Variants in DIDO1 observed in about 807,000 individuals in gnomAD.
The protein encoded by DIDO1 is death inducer-obliterator 1.
Under a neutral mutation model 99.4 loss-of-function variants are expected in DIDO1, and 16 were observed. The observed-to-expected ratio is 0.16, with a 90% CI of 0.11 to 0.24. The LOEUF (loss-of-function observed/expected upper bound fraction) is 0.24. Among genes scored for constraint, DIDO1 ranks in the 10% least tolerant of loss-of-function variants. The probability of loss-of-function intolerance (pLI) is 1.00; values close to 1 mark genes in which losing one functional copy is unlikely to be tolerated. For missense variants in DIDO1, 2,996 were observed against 3,014.0 expected (o/e 0.99, Z 0.14); for synonymous variants, 1,366 against 1,239.1 (o/e 1.10, Z -2.15).
chr20:62,935,468 T>A (rs1280058060), intron 1 of DIDO1, among the ~76,000 whole-genome samples: 1 of 152,080 alleles, frequency 6.6e-6, no homozygotes, highest in Non-Finnish European at 1.5e-5. Context: ...AGAGCTAAGT[T>A]AGGATTCTGT....
At chr20:62,932,614 G>C (rs1437460182) in intron 1 of DIDO1, among the ~76,000 whole-genome samples, 1 of 152,136 alleles carries the variant, frequency 6.6e-6, no homozygotes, top group East Asian at 1.9e-4. Flanking sequence ...GTCTGCAATG[G>C]CAGGACTGTA....
At chr20:62,889,076 C>A (rs555055079) in intron 15 of DIDO1, 1 of 985,388 alleles carries the variant, frequency 1.0e-6, no homozygotes. Context: ...CCTTGGTGGG[C>A]GAGTGTGACG....
In DIDO1 at chr20:62,880,749, A is replaced by G; in HGVS notation, c.5207T>C (p.Leu1736Pro). The G allele has an allele frequency of 6.2e-7, 1 of 1,612,468 alleles. No homozygotes were observed. The highest frequency in any genetic ancestry group is 8.5e-7 in the Non-Finnish European group (1 of 1,179,830). ...CCCCACTTTCTGTCCTGGTGGGGGG[A>G]GCGGGGCGGTGCCCTCGCCGGGTCT... ...QARPGEGTAPLPPPGQKVGGS... is the reference protein window; with the variant it reads ...QARPGEGTAPPPPPGQKVGGS... Residue 1736 changes from leucine (L) to proline (P), a missense_variant, in exon 16 of 16, where the codon CTC becomes CCC. This residue lies in a region of DIDO1 where 1,562 missense variants were observed against 1,412.6 expected (regional missense o/e 1.11). Transcript: ENST00000395343.
chr20:62,935,039 A>C (rs1257514879), intron 1 of DIDO1, among the ~76,000 whole-genome samples: 1 of 152,286 alleles, frequency 6.6e-6, no homozygotes, highest in East Asian at 1.9e-4. Context: ...TGAGCTTTAG[A>C]TGTGTCCCAC....
intron 15 of DIDO1, chr20:62,889,963 G>C: frequency 1.0e-6 from 1 of 985,490 alleles, no homozygotes; most frequent in South Asian, 4.7e-5. Context: ...AACGTGGGCT[G>C]TGCCTGGGGC....
At position 62,881,279 on chromosome 20, in the gene DIDO1, G is replaced by C; in HGVS notation, c.4677C>G (p.Asp1559Glu). 6.2e-7 allele frequency: 1 copy of C among 1,604,938 alleles called. No homozygotes were observed. Among genetic ancestry groups the C allele is most frequent in the Non-Finnish European group, 8.5e-7 (1 of 1,179,486 alleles). The change falls in exon 16 of 16, where the codon GAC becomes GAG. Residue 1559 changes from aspartate to glutamate, a missense_variant. Coordinates refer to ENST00000395343, the MANE Select transcript of DIDO1 (RefSeq NM_001193369.2). This position sits in a 1 kb window ranked among gnomAD's most constrained non-coding sequence, Gnocchi z 8.3. ...TGGCCAGGCGCCTCGCCTGCCGGGG[G>C]TCCCTGTGGTTTGACGCCTGGCTGG... ...PPASQASNHR[D>E]PRQARRLATE...
intron 1 of DIDO1, among the ~76,000 whole-genome samples, chr20:62,917,638 G>A (rs1261995916): frequency 6.6e-6 from 1 of 152,198 alleles, no homozygotes; most frequent in African/African-American, 2.4e-5. Flanking sequence ...TGGGGATGCA[G>A]CAGAAGCTTT....
At position 62,879,882 on chromosome 20, in the gene DIDO1, G is replaced by C; in HGVS notation, c.6074C>G (p.Pro2025Arg). 1 of 1,588,932 alleles carries C rather than the reference G, an allele frequency of 6.3e-7. No individual in the cohort carries two copies. The highest frequency in any genetic ancestry group is 8.5e-7 in the Non-Finnish European group (1 of 1,169,840). The change falls in exon 16 of 16, where the codon CCC (proline) becomes CGC (arginine). Residue 2025 changes from proline (P) to arginine (R), a missense_variant. Transcript: ENST00000395343. This position sits in a 1 kb window ranked among gnomAD's most constrained non-coding sequence, Gnocchi z 6.3. ...APQVMKPGPRPLLELPSHPPQ... is the reference protein window; with the variant it reads ...APQVMKPGPRRLLELPSHPPQ... Reference sequence around the variant, plus strand: ...GGGGTGGCTGGGAAGCTCCAGCAGGGGCCTGGGGCCCGGCTTCATCACCTG... The same window carrying C: ...GGGGTGGCTGGGAAGCTCCAGCAGGCGCCTGGGGCCCGGCTTCATCACCTG...
chr20:62,935,704 C>T (rs773479713), intron 1 of DIDO1, among the ~76,000 whole-genome samples: 75 of 152,200 alleles, frequency 4.9e-4, no homozygotes, highest in Non-Finnish European at 7.3e-4. Flanking sequence ...CTTATAGCTG[C>T]GCTAACTTTA....
Position 62,881,076 on chromosome 20 carries a change from G to A in DIDO1, c.4880C>T (p.Ala1627Val). ...SPWASGEKPP[A>V]GSEQDGWKAE... ...CTTCCAGCCGTCCTGCTCGGACCCC[G>A]CTGGGGGCTTTTCGCCCGAAGCCCA... is the stretch of plus-strand genomic sequence containing the variant. The change falls in exon 16 of 16, where the codon GCG becomes GTG. Residue 1627 changes from alanine to valine, a missense_variant. Ala to Val is a moderately conservative substitution (Grantham distance 64). Coordinates refer to ENST00000395343, the MANE Select transcript of DIDO1 (RefSeq NM_001193369.2). This position sits in a 1 kb window ranked among gnomAD's most constrained non-coding sequence, Gnocchi z 8.3. The A allele has an allele frequency of 2.5e-6, 4 of 1,608,648 alleles. No homozygotes were observed. Among genetic ancestry groups the A allele is most frequent in the Non-Finnish European group, 1.7e-6 (2 of 1,179,372 alleles).
Position 62,896,791 on chromosome 20 carries a change from T to A in DIDO1, c.1794A>T (p.Pro598=), listed in dbSNP as rs1333777942. 1 of 1,614,104 alleles carries A rather than the reference T, an allele frequency of 6.2e-7. No individual in the cohort carries two copies. Among genetic ancestry groups the A allele is most frequent in the South Asian group, 1.1e-5 (1 of 91,082 alleles). Residue 598 remains proline (P), a synonymous_variant, in exon 7 of 16, where the codon CCA becomes CCT. Transcript: ENST00000395343. This position sits in a 1 kb window ranked among gnomAD's most constrained non-coding sequence, Gnocchi z 4.4. Reference sequence around the variant, plus strand: ...CACTCGATGGGGTAGCGGAGAGCCATGGCCTCTTGGGGATGGTGCCCTTGA... The same window carrying A: ...CACTCGATGGGGTAGCGGAGAGCCAAGGCCTCTTGGGGATGGTGCCCTTGA... The part of the protein sequence containing the change: ...SGFKGTIPKR[P]WLSATPSSGA...
chr20:62,881,215 G>T lies in DIDO1; in HGVS notation c.4741C>A (p.Leu1581Ile). The T allele has an allele frequency of 6.2e-7, 1 of 1,605,334 alleles. No homozygotes were observed. ...GEGEGEPLSR[L>I]SARGAQGALP... ...GCACCCTGGGCACCACGTGCCGAGA[G>T]CCTGGAGAGAGGCTCCCCCTCCCCC... Residue 1581 changes from leucine to isoleucine, a missense_variant, in exon 16 of 16, where the codon CTC becomes ATC. By Grantham distance (5) the Leu-to-Ile change is conservative (BLOSUM62 2). Transcript: ENST00000395343. The surrounding 1 kb of genome is among the most constrained non-coding windows in gnomAD (Gnocchi z 8.3).
intron 6 of DIDO1, among the ~76,000 whole-genome samples, chr20:62,898,159 G>A (rs570867085): frequency 4.6e-5 from 7 of 152,178 alleles, no homozygotes; most frequent in East Asian, 1.9e-4. Flanking sequence ...CTCCCCCGTC[G>A]TCTTACTGAC....
At chr20:62,886,947 G>C (rs2147369968) in intron 15 of DIDO1, among the ~76,000 whole-genome samples, 1 of 152,310 alleles carries the variant, frequency 6.6e-6, no homozygotes, top group Non-Finnish European at 1.5e-5. Context: ...TTCCAACTGG[G>C]AATCTCTAAG....
chr20:62,925,624 A>G (rs540117364), intron 1 of DIDO1, among the ~76,000 whole-genome samples: 159 of 152,316 alleles, frequency 1.0e-3, no homozygotes, highest in African/African-American at 3.7e-3. Flanking sequence ...TATATATTAA[A>G]GTCCTTTATT....
chr20:62,894,922 G>A lies in DIDO1; in HGVS notation c.2332-8C>T, dbSNP rs1159553256. On this transcript the variant is annotated splice_polypyrimidine_tract_variant and splice_region_variant and intron_variant, in intron 9 of 15. Coordinates refer to ENST00000395343, the MANE Select transcript of DIDO1 (RefSeq NM_001193369.2). The surrounding 1 kb of genome is among the most constrained non-coding windows in gnomAD (Gnocchi z 4.4). ...AGTTCTGGACTCCATCACCTGAAAT[G>A]AAAAAGACGAAACAGAGCTTAGGCC... is the stretch of plus-strand genomic sequence containing the variant. The A allele has an allele frequency of 6.2e-7, 1 of 1,611,718 alleles. No individual in the cohort carries two copies. The highest frequency in any genetic ancestry group is 8.5e-7 in the Non-Finnish European group (1 of 1,179,108).
rs1417616934 is a variant in DIDO1, at chr20:62,911,156, C to A, written c.457G>T (p.Asp153Tyr). 2 of 1,613,982 alleles carry A rather than the reference C, an allele frequency of 1.2e-6. No homozygotes were observed. Among genetic ancestry groups the A allele is most frequent in the Non-Finnish European group, 1.7e-6 (2 of 1,180,046 alleles). The change falls in exon 3 of 16, where the codon GAT becomes TAT. Residue 153 changes from aspartate to tyrosine, a missense_variant. Asp to Tyr is a radical substitution (Grantham distance 160). This residue lies in a region of DIDO1 where 388 missense variants were observed against 376.6 expected (regional missense o/e 1.03). Transcript: ENST00000395343. This position sits in a 1 kb window ranked among gnomAD's most constrained non-coding sequence, Gnocchi z 7.0. ...KGGDDHDDTSDSDSDGLTLKE... is the reference protein window; with the variant it reads ...KGGDDHDDTSYSDSDGLTLKE... ...AAGGTCAGGCCATCGCTGTCACTAT[C>A]GGAGGTGTCATCGTGGTCATCCCCT... is the stretch of plus-strand genomic sequence containing the variant.
At position 62,879,855 on chromosome 20, in the gene DIDO1, G is replaced by C; in HGVS notation, c.6101C>G (p.Pro2034Arg). The change falls in exon 16 of 16, where the codon CCG (proline) becomes CGG (arginine). Residue 2034 changes from proline (P) to arginine (R), a missense_variant. By Grantham distance (103) the Pro-to-Arg change is moderately radical. Around this residue, in one of 5 missense-constraint regions of DIDO1, gnomAD observed 1,562 missense variants for 1,412.6 expected, o/e 1.11. Transcript: ENST00000395343. The surrounding 1 kb of genome is among the most constrained non-coding windows in gnomAD (Gnocchi z 6.3). ...CTCCCAGCGGTCCTTCCGGTGCTGC[G>C]GGGGGTGGCTGGGAAGCTCCAGCAG... Reference protein sequence around the residue: ...RPLLELPSHPPQHRKDRWEEA... With the variant: ...RPLLELPSHPRQHRKDRWEEA... The C allele has an allele frequency of 6.3e-7, 1 of 1,596,860 alleles. No homozygotes were observed. The highest frequency in any genetic ancestry group is 8.5e-7 in the Non-Finnish European group (1 of 1,172,840).
In DIDO1 at chr20:62,881,639, C is replaced by G. The variant is rs772866262; in HGVS notation, c.4317G>C (p.Val1439=). Residue 1439 remains valine, a synonymous_variant, in exon 16 of 16, where the codon GTG becomes GTC. Coordinates refer to ENST00000395343, the MANE Select transcript of DIDO1 (RefSeq NM_001193369.2). The surrounding 1 kb of genome is among the most constrained non-coding windows in gnomAD (Gnocchi z 8.3). ...EDETILEEAK[V]TVDDLPNRMC... Reference sequence around the variant, plus strand: ...TCCTGTTGGGCAGGTCATCAACAGTCACTTTCGCTTCTTCTAAGATGGTCT... The same window carrying G: ...TCCTGTTGGGCAGGTCATCAACAGTGACTTTCGCTTCTTCTAAGATGGTCT... 6.8e-6 allele frequency: 11 copies of G among 1,612,654 alleles called. No individual in the cohort carries two copies. Among genetic ancestry groups the G allele is most frequent in the African/African-American group, 1.3e-5 (1 of 74,946 alleles).
Sources: allele counts gnomAD v4.1 joint callset (sites outside exome capture counted in the v4.1 genomes callset), GRCh38; gene constraint gnomAD v4.1.1; regional missense constraint gnomAD v4.1.1; non-coding constraint Gnocchi (gnomAD v3.1); transcripts MANE v1.5; gene names NCBI Gene and HGNC (gene_info 2026-07-23, HGNC 2026-07-21).